RAB10: variants seen among roughly 807,000 people sequenced by gnomAD.
The protein encoded by RAB10 is RAB10, member RAS oncogene family, also known as ras-related protein Rab-10.
A neutral mutation model predicts 25.7 loss-of-function variants in RAB10; 5 were observed. The ratio of observed to expected loss-of-function variants is 0.19; its 90% CI spans 0.10 to 0.41. The LOEUF is 0.41. Ranked by LOEUF, RAB10 falls within the 10% of genes least tolerant of loss-of-function variation. RAB10 has a pLI of 1.00. For synonymous variants in RAB10, 89 were observed against 86.4 expected (o/e 1.03, Z -0.16); for missense variants, 103 against 245.8 (o/e 0.42, Z 3.89).
intron 5 of RAB10, among the ~76,000 whole-genome samples, chr2:26,132,403 G>A (rs760685684): frequency 8.5e-5 from 13 of 152,174 alleles, no homozygotes; most frequent in Middle Eastern, 6.8e-3. Flanking sequence ...ACAGGAGCCC[G>A]CCACCACGCC....
At chr2:26,058,460 G>C (rs1238728698) in intron 1 of RAB10, among the ~76,000 whole-genome samples, 1 of 151,638 alleles carries the variant, frequency 6.6e-6, no homozygotes, top group Non-Finnish European at 1.5e-5. Flanking sequence ...ACAGGGTTTT[G>C]CTATGCTGCT....
At chr2:26,042,417 C>T (rs1665911832) in intron 1 of RAB10, among the ~76,000 whole-genome samples, 1 of 152,022 alleles carries the variant, frequency 6.6e-6, no homozygotes. Flanking sequence ...AGGAGGATAG[C>T]TTGAGCTCAG....
Position 26,076,466 on chromosome 2 carries a change from C to T in RAB10, c.128-22196C>T, listed in dbSNP as rs78408761. On this transcript the variant is annotated intron_variant, in intron 1 of 5. Transcript: ENST00000264710. Reference sequence around the variant, plus strand: ...GGTAGTTATTTGAGGCAGGATTACTCTCAATGATCTCCTCCTGATAAGGAC... The same window carrying T: ...GGTAGTTATTTGAGGCAGGATTACTTTCAATGATCTCCTCCTGATAAGGAC... 4.6e-3 allele frequency among the ~76,000 whole-genome samples: 702 copies of T among 152,230 alleles called. 3 individuals are homozygous for T. The highest frequency in any genetic ancestry group is 7.0e-3 in the Non-Finnish European group (479 of 68,010).
intron 1 of RAB10, among the ~76,000 whole-genome samples, chr2:26,039,006 T>C (rs1170029503): frequency 1.4e-5 from 2 of 138,002 alleles, no homozygotes; most frequent in Non-Finnish European, 3.0e-5. Context: ...ATATTACTTT[T>C]AATAGCCACT....
chr2:26,115,496 A>G (rs1468663055), intron 3 of RAB10, among the ~76,000 whole-genome samples: 1 of 152,206 alleles, frequency 6.6e-6, no homozygotes, highest in Non-Finnish European at 1.5e-5. Context: ...AAGGCCTTAC[A>G]TGATTCCCTT....
chr2:26,108,214 G>C (rs1176632188), intron 2 of RAB10, among the ~76,000 whole-genome samples: 1 of 152,098 alleles, frequency 6.6e-6, no homozygotes, highest in East Asian at 1.9e-4. Flanking sequence ...AATATTCTTC[G>C]AACTTTGTTA....
chr2:26,110,051 T>G, intron 3 of RAB10, 145 bp downstream of exon 3: 1 of 1,024,516 alleles, frequency 9.8e-7, no homozygotes, highest in Non-Finnish European at 1.3e-6. Flanking sequence ...TAAAAGTTAA[T>G]GTTGGCCGGG....
chr2:26,057,620 T>TTTCTTTCATTCATTCATTCATTCATTCA lies in RAB10; in HGVS notation c.127+22888_127+22889insTTTCATTCATTCATTCATTCATTCATTC, dbSNP rs146580967. Among the ~76,000 whole-genome samples, 1,420 of 149,182 alleles carry TTTCTTTCATTCATTCATTCATTCATTCA rather than the reference T, an allele frequency of 9.5e-3. 16 individuals carry two copies. Among genetic ancestry groups the TTTCTTTCATTCATTCATTCATTCATTCA allele is most frequent in the African/African-American group, 0.027 (1,077 of 40,252 alleles). Reference sequence around the variant, plus strand: ...CCTTATTTGACTAAAGGCAAGTTTCTTTCATTCATTCATTCATTCAGAGAC... The same window carrying TTTCTTTCATTCATTCATTCATTCATTCA: ...CCTTATTTGACTAAAGGCAAGTTTCTTTCTTTCATTCATTCATTCATTCATTCATTCATTCATTCATTCATTCAGAGAC... On this transcript the variant is annotated intron_variant, in intron 1 of 5. Coordinates refer to ENST00000264710, the MANE Select transcript of RAB10 (RefSeq NM_016131.5).
At chr2:26,111,827 A>C (rs1369107992) in intron 3 of RAB10, among the ~76,000 whole-genome samples, 2 of 152,100 alleles carry the variant, frequency 1.3e-5, no homozygotes, top group African/African-American at 4.8e-5. Context: ...ATCAGACTCC[A>C]CAAGTTTAAG....
At chr2:26,069,165 C>T (rs1054604852) in intron 1 of RAB10, among the ~76,000 whole-genome samples, 1 of 152,156 alleles carries the variant, frequency 6.6e-6, no homozygotes, top group African/African-American at 2.4e-5. Context: ...AGGTGGTTTT[C>T]ATTTCTGCAG....
chr2:26,107,130 C>T (rs1359919659), intron 2 of RAB10, among the ~76,000 whole-genome samples: 1 of 151,292 alleles, frequency 6.6e-6, no homozygotes, highest in Non-Finnish European at 1.5e-5. Context: ...CCTGTAATCT[C>T]AGCTATTCCA....
intron 1 of RAB10, among the ~76,000 whole-genome samples, chr2:26,039,041 A>G (rs1331506889): frequency 2.4e-5 from 3 of 123,984 alleles, no homozygotes; most frequent in African/African-American, 9.2e-5. Context: ...TTTTTAAGAT[A>G]TAGAGTCTTG....
intron 1 of RAB10, among the ~76,000 whole-genome samples, chr2:26,052,739 C>T (rs1666164633): frequency 6.6e-6 from 1 of 152,098 alleles, no homozygotes; most frequent in African/African-American, 2.4e-5. Flanking sequence ...GTCTCATTCC[C>T]ATACTCCATT....
intron 1 of RAB10, among the ~76,000 whole-genome samples, chr2:26,066,777 A>ATTTTTTTTTTTTTT (rs3065544): frequency 2.7e-5 from 3 of 110,242 alleles, no homozygotes; most frequent in African/African-American, 1.0e-4. Context: ...CATGCCATCA[A>ATTTTTTTTTTTTTT]TTTTTTTTTT....
chr2:26,098,809 T>G, intron 2 of RAB10, 87 bp downstream of exon 2: 1 of 1,154,764 alleles, frequency 8.7e-7, no homozygotes, highest in Non-Finnish European at 1.2e-6. Flanking sequence ...CAGGTTTAGA[T>G]TCTGTGAGAC....
intron 5 of RAB10, among the ~76,000 whole-genome samples, chr2:26,134,241 GAGTAGCTGGGACTACAGGCTTGA>G (rs1668065043): frequency 6.6e-6 from 1 of 152,026 alleles, no homozygotes; most frequent in African/African-American, 2.4e-5. Flanking sequence ...TCAGCCTCCT[GAGTAGCTGGGACTACAGGCTTGA>G]GCCACTGTGT....
At chr2:26,036,878 C>T (rs548111912) in intron 1 of RAB10, among the ~76,000 whole-genome samples, 1 of 152,050 alleles carries the variant, frequency 6.6e-6, no homozygotes, top group South Asian at 2.1e-4. Context: ...CAACCTCCGC[C>T]TCAGGGGTTC....
chr2:26,045,347 C>G (rs1361522518), intron 1 of RAB10, among the ~76,000 whole-genome samples: 5 of 151,990 alleles, frequency 3.3e-5, no homozygotes, highest in African/African-American at 1.2e-4. Context: ...TCACGCCATT[C>G]TCCTGCCTCA....
chr2:26,086,017 A>AG lies in RAB10; in HGVS notation c.128-12636dup, dbSNP rs1376178404. On this transcript the variant is annotated intron_variant, in intron 1 of 5. Coordinates refer to ENST00000264710, the MANE Select transcript of RAB10 (RefSeq NM_016131.5). The stretch of plus-strand genomic sequence containing the variant: ...TGTCTCCAAAAAAAAAAAAAAAAAA[A>AG]GGGGGGGGGCAAAGGGGCCCGATGC... 4.2e-3 allele frequency among the ~76,000 whole-genome samples: 301 copies of AG among 71,414 alleles called. 21 individuals carry two copies. The highest frequency in any genetic ancestry group is 9.7e-3 in the East Asian group (17 of 1,754). The allele number at this position is 71,414 out of a possible 152,430, so 46.9% of individuals were successfully genotyped here.
Sources: gnomAD v4.1 joint callset for allele counts (sites outside exome capture counted in the v4.1 genomes callset) on GRCh38, gnomAD v4.1.1 for gene constraint, MANE v1.5 for transcripts, NCBI Gene and HGNC (gene_info 2026-07-23, HGNC 2026-07-21) for gene names.